The following ELK3 variants were observed in gnomAD, a reference collection of about 807,000 sequenced individuals.
ELK3 encodes the protein ETS domain-containing protein Elk-3.
In ELK3, 10 loss-of-function variants were observed where a neutral mutation model predicts 28.9. The observed-to-expected ratio is 0.35, with a 90% CI of 0.21 to 0.59. The LOEUF is 0.59. Ranked by LOEUF, ELK3 falls within the 20% of genes least tolerant of loss-of-function variation. The pLI is 0.82. For missense variants in ELK3, 463 were observed against 517.3 expected (o/e 0.90, Z 1.02); for synonymous variants, 272 against 243.5 (o/e 1.12, Z -1.09).
At chr12:96,202,920 C>T (rs1951516036) in intron 1 of ELK3, among the ~76,000 whole-genome samples, 1 of 151,686 alleles carries the variant, frequency 6.6e-6, no homozygotes, top group African/African-American at 2.4e-5. Flanking sequence ...TGGAGTCTCG[C>T]TCCGTCGCCC....
intron 4 of ELK3, among the ~76,000 whole-genome samples, chr12:96,264,909 G>A (rs942801659): frequency 5.3e-5 from 8 of 152,140 alleles, no homozygotes; most frequent in African/African-American, 1.4e-4. Flanking sequence ...TTCTATTTTA[G>A]AGATAAGAAA....
At chr12:96,223,864 GA>G in intron 2 of ELK3, 91 bp downstream of exon 2, 1 of 1,319,328 alleles carries the variant, frequency 7.6e-7, no homozygotes, top group East Asian at 2.4e-5. Flanking sequence ...AGCGTGCTAT[GA>G]ATCAAGTTAG....
chr12:96,213,976 G>A (rs1002347229), intron 1 of ELK3: 3 of 151,386 alleles, frequency 2.0e-5, no homozygotes, highest in African/African-American at 7.3e-5. Flanking sequence ...CTCCCTCCTC[G>A]GTCTCCCAAA....
intron 3 of ELK3, among the ~76,000 whole-genome samples, chr12:96,254,103 T>C (rs1951928296): frequency 6.6e-6 from 1 of 152,182 alleles, no homozygotes; most frequent in African/African-American, 2.4e-5. Flanking sequence ...AGGGGGCGGA[T>C]AGCTTGAGGT....
chr12:96,207,727 A>C (rs1475669818), intron 1 of ELK3, among the ~76,000 whole-genome samples: 2 of 152,218 alleles, frequency 1.3e-5, no homozygotes, highest in Non-Finnish European at 2.9e-5. Flanking sequence ...AGAATACTGT[A>C]TAGAGTGGGA....
At chr12:96,236,589 CGTGT>C (rs950633670) in intron 2 of ELK3, among the ~76,000 whole-genome samples, 5 of 151,924 alleles carry the variant, frequency 3.3e-5, no homozygotes, top group Admixed American at 6.6e-5. Flanking sequence ...TGGGTGTGTA[CGTGT>C]GTGTGTGTGC....
chr12:96,194,821 G>C (rs1951449990), intron 1 of ELK3, 116 bp downstream of exon 1: 1 of 138,184 alleles, frequency 7.2e-6, no homozygotes, highest in Non-Finnish European at 1.6e-5. Context: ...GGCGCCGCGG[G>C]GTGGGCTGCG....
intron 3 of ELK3, among the ~76,000 whole-genome samples, chr12:96,255,828 G>A (rs1231760942): frequency 6.6e-6 from 1 of 152,176 alleles, no homozygotes; most frequent in African/African-American, 2.4e-5. Flanking sequence ...TTACTCCAGA[G>A]TCAGATTGAA....
intron 2 of ELK3, among the ~76,000 whole-genome samples, chr12:96,228,999 T>C (rs1348000561): frequency 6.6e-6 from 1 of 152,254 alleles, no homozygotes; most frequent in East Asian, 1.9e-4. Context: ...ACTGACTGTA[T>C]TATGTCGTAG....
chr12:96,210,593 A>G (rs904689159), intron 1 of ELK3, among the ~76,000 whole-genome samples: 5 of 148,972 alleles, frequency 3.4e-5, no homozygotes, highest in Non-Finnish European at 7.4e-5. Flanking sequence ...ACACACACAC[A>G]CACACCCCGA....
chr12:96,253,896 C>G (rs1316266834), intron 3 of ELK3, among the ~76,000 whole-genome samples: 2 of 152,172 alleles, frequency 1.3e-5, no homozygotes, highest in African/African-American at 4.8e-5. Flanking sequence ...AGAAACCGTT[C>G]CTGTTCTCAT....
chr12:96,202,594 T>G (rs1193749084), intron 1 of ELK3, among the ~76,000 whole-genome samples: 1 of 148,716 alleles, frequency 6.7e-6, no homozygotes, highest in Non-Finnish European at 1.5e-5. Context: ...TGGCACCATC[T>G]TGGGTCACTG....
intron 3 of ELK3, among the ~76,000 whole-genome samples, chr12:96,257,057 A>T (rs1042786422): frequency 1.3e-5 from 2 of 152,216 alleles, no homozygotes; most frequent in African/African-American, 4.8e-5. Context: ...CTTATCTGCC[A>T]TGCTTGTTAA....
rs1951870734 is a variant in ELK3, at chr12:96,247,823, C to T, written c.1002+89C>T. On this transcript the variant is annotated intron_variant, in intron 3 of 4. Transcript: ENST00000228741. The surrounding 1 kb of genome is among the most constrained non-coding windows in gnomAD (Gnocchi z 5.5). ...CAACTAAAGAGACTTCCTTCTGTCC[C>T]TCAAAACGTTGTCCTATGACTCGTA... The T allele has an allele frequency of 7.2e-7, 1 of 1,390,596 alleles. No individual in the cohort carries two copies. Among genetic ancestry groups the T allele is most frequent in the African/African-American group, 1.5e-5 (1 of 68,744 alleles). 86.1% of individuals were successfully genotyped at this position (1,390,596 alleles called of 1,614,324 possible).
Position 96,247,328 on chromosome 12 carries a change from T to C in ELK3, c.596T>C (p.Val199Ala). ...GACAAGCACGTCACCAGGCCGGTGG[T>C]GTCCCTGCCTTCCACGTCAGAGGCT... ...KTDKHVTRPV[V>A]SLPSTSEAAA... Residue 199 changes from valine (V) to alanine (A), a missense_variant, in exon 3 of 5, where the codon GTG (valine) becomes GCG (alanine). By Grantham distance (64) the Val-to-Ala change is moderately conservative. Coordinates refer to ENST00000228741, the MANE Select transcript of ELK3 (RefSeq NM_005230.4). The surrounding 1 kb of genome is among the most constrained non-coding windows in gnomAD (Gnocchi z 5.5). 1 of 1,614,234 alleles carries C rather than the reference T, an allele frequency of 6.2e-7. No homozygotes were observed. Among genetic ancestry groups the C allele is most frequent in the Non-Finnish European group, 8.5e-7 (1 of 1,180,044 alleles).
rs1769984845 is a variant in ELK3, at chr12:96,267,310, GATAGTCTAGATTTATGTTAGCATT to G, written c.*131_*154del. ...TTTGGTTTGCACTTTTCATAACATGGATAGTCTAGATTTATGTTAGCATTTTAAAAACTGTTTTTGATATATTCA... is the reference window on the plus strand; with the variant it reads ...TTTGGTTTGCACTTTTCATAACATGGTTAAAAACTGTTTTTGATATATTCA... On this transcript the variant is annotated 3_prime_UTR_variant, in exon 5 of 5. Transcript: ENST00000228741. 17 of 678,700 alleles carry G rather than the reference GATAGTCTAGATTTATGTTAGCATT, an allele frequency of 2.5e-5. No homozygotes were observed. Among genetic ancestry groups the G allele is most frequent in the Non-Finnish European group, 4.1e-5 (17 of 412,552 alleles). The allele number at this position is 678,700 out of a possible 1,614,324, so 42.0% of individuals were successfully genotyped here.
At chr12:96,200,715 T>C (rs893292635) in intron 1 of ELK3, among the ~76,000 whole-genome samples, 3 of 152,134 alleles carry the variant, frequency 2.0e-5, no homozygotes, top group Non-Finnish European at 2.9e-5. Flanking sequence ...CAGGCTGGAG[T>C]GCAGTGGTGC....
chr12:96,247,268 T>C lies in ELK3; in HGVS notation c.536T>C (p.Val179Ala). 6.2e-7 allele frequency: 1 copy of C among 1,614,092 alleles called. No homozygotes were observed. Among genetic ancestry groups the C allele is most frequent in the African/African-American group, 1.3e-5 (1 of 75,006 alleles). Reference sequence around the variant, plus strand: ...GAAGACAGCCCCCCCGTGGAAGAAGTCAGGACTGTGATCAGGTTTGTGACC... The same window carrying C: ...GAAGACAGCCCCCCCGTGGAAGAAGCCAGGACTGTGATCAGGTTTGTGACC... ...PPEDSPPVEE[V>A]RTVIRFVTNK... The change falls in exon 3 of 5, where the codon GTC becomes GCC. Residue 179 changes from valine to alanine, a missense_variant. Coordinates refer to ENST00000228741, the MANE Select transcript of ELK3 (RefSeq NM_005230.4). This position sits in a 1 kb window ranked among gnomAD's most constrained non-coding sequence, Gnocchi z 5.5.
chr12:96,212,584 G>A (rs1159359205), intron 1 of ELK3: 1 of 152,222 alleles, frequency 6.6e-6, no homozygotes, highest in Non-Finnish European at 1.5e-5. Context: ...TTATAGGGGG[G>A]AGGTGGATGT....
Sources: gnomAD v4.1 joint callset for allele counts (sites outside exome capture counted in the v4.1 genomes callset) on GRCh38, gnomAD v4.1.1 for gene constraint, Gnocchi (gnomAD v3.1) non-coding constraint, MANE v1.5 for transcripts, NCBI Gene and HGNC (gene_info 2026-07-23, HGNC 2026-07-21) for gene names.